The following CCDC30 variants were observed in gnomAD, a reference collection of about 807,000 sequenced individuals.
CCDC30 encodes coiled-coil domain containing 30, also known as coiled-coil domain-containing protein 30.
In CCDC30, 70 loss-of-function variants were observed where a neutral mutation model predicts 100.2. The ratio of observed to expected loss-of-function variants is 0.70; its 90% CI spans 0.58 to 0.85. CCDC30 has a LOEUF of 0.85. Among genes scored for constraint, CCDC30 ranks in the 40% least tolerant of loss-of-function variants. The pLI is 0.00. For synonymous variants in CCDC30, 233 were observed against 269.5 expected (o/e 0.86, Z 1.33); for missense variants, 652 against 771.2 (o/e 0.85, Z 1.83).
At chr1:42,501,536 T>A (rs538543101) in intron 6 of CCDC30, among the ~76,000 whole-genome samples, 2 of 152,360 alleles carry the variant, frequency 1.3e-5, no homozygotes, top group East Asian at 1.9e-4. Flanking sequence ...GTGCTCTGAT[T>A]TTTAGAATTT....
chr1:42,576,412 A>G (rs1645838236), intron 7 of CCDC30, among the ~76,000 whole-genome samples: 2 of 152,360 alleles, frequency 1.3e-5, no homozygotes, highest in South Asian at 4.1e-4. Flanking sequence ...GGCATTATTT[A>G]CTGAAATTGG....
At chr1:42,482,923 A>C in intron 3 of CCDC30, 107 bp downstream of exon 3, 1 of 776,272 alleles carries the variant, frequency 1.3e-6, no homozygotes, top group Non-Finnish European at 1.8e-6. Flanking sequence ...ACAAGTCTTT[A>C]AGATAAACAC....
intron 10 of CCDC30, among the ~76,000 whole-genome samples, chr1:42,606,651 C>A (rs776618203): frequency 6.6e-6 from 1 of 152,200 alleles, no homozygotes; most frequent in Admixed American, 6.5e-5. Context: ...AGAAATCTCT[C>A]GTGGGTCTCA....
At chr1:42,526,328 C>T (rs900862014) in intron 6 of CCDC30, among the ~76,000 whole-genome samples, 3 of 152,076 alleles carry the variant, frequency 2.0e-5, no homozygotes, top group Non-Finnish European at 2.9e-5. Flanking sequence ...CTCATTATTC[C>T]GTCATGGCCC....
chr1:42,522,995 A>G (rs554697406), intron 6 of CCDC30, among the ~76,000 whole-genome samples: 1 of 151,894 alleles, frequency 6.6e-6, no homozygotes, highest in African/African-American at 2.4e-5. Context: ...ACACCTGGCT[A>G]ATTTTTGTAT....
intron 6 of CCDC30, among the ~76,000 whole-genome samples, chr1:42,553,612 C>T (rs1645302234): frequency 3.3e-5 from 5 of 151,116 alleles, no homozygotes; most frequent in Admixed American, 2.7e-4. Flanking sequence ...GCTATGATCG[C>T]CCCACTGCAC....
intron 6 of CCDC30, among the ~76,000 whole-genome samples, chr1:42,536,085 T>C (rs1644899500): frequency 6.6e-6 from 1 of 152,058 alleles, no homozygotes; most frequent in Non-Finnish European, 1.5e-5. Flanking sequence ...TCTAACATAC[T>C]TACCATAGTC....
chr1:42,623,269 T>C (rs1646874394), intron 11 of CCDC30, among the ~76,000 whole-genome samples: 1 of 152,176 alleles, frequency 6.6e-6, no homozygotes, highest in Admixed American at 6.5e-5. Flanking sequence ...TTTGCTTTGG[T>C]TGCCTGCACT....
At chr1:42,493,259 C>A (rs1041669872) in intron 4 of CCDC30, among the ~76,000 whole-genome samples, 9 of 151,918 alleles carry the variant, frequency 5.9e-5, no homozygotes, top group Non-Finnish European at 1.2e-4. Context: ...AAATCCAAGG[C>A]ATGCAGAAGG....
At chr1:42,603,148 G>C (rs1440096066) in intron 10 of CCDC30, among the ~76,000 whole-genome samples, 1 of 152,194 alleles carries the variant, frequency 6.6e-6, no homozygotes, top group African/African-American at 2.4e-5. Context: ...GGAAGTCTAA[G>C]ATCAGGATGC....
chr1:42,484,429 A>G (rs973569101), intron 3 of CCDC30, among the ~76,000 whole-genome samples: 1 of 152,246 alleles, frequency 6.6e-6, no homozygotes, highest in Non-Finnish European at 1.5e-5. Context: ...CAGGATATTC[A>G]GTACCCTTAG....
chr1:42,531,630 C>T lies in CCDC30; in HGVS notation c.456+32714C>T, dbSNP rs150624844. Among the ~76,000 whole-genome samples, 926 of 152,122 alleles carry T rather than the reference C, an allele frequency of 6.1e-3. 5 individuals are homozygous for T. Among genetic ancestry groups the T allele is most frequent in the African/African-American group, 0.021 (863 of 41,450 alleles). ...TACAAAAATTAGCTAGGCGTGGCGGCGCATGCCTGTAGTTCCAACTACTCA... is the reference window on the plus strand; with the variant it reads ...TACAAAAATTAGCTAGGCGTGGCGGTGCATGCCTGTAGTTCCAACTACTCA... On this transcript the variant is annotated intron_variant, in intron 6 of 16. Transcript: ENST00000668663.
intron 10 of CCDC30, among the ~76,000 whole-genome samples, chr1:42,608,703 C>A (rs901365476): frequency 1.6e-5 from 2 of 124,568 alleles, no homozygotes; most frequent in Non-Finnish European, 3.2e-5. Flanking sequence ...AGCGCGACTC[C>A]GTCTCTCTGT....
At chr1:42,500,176 T>TA in intron 6 of CCDC30, 1 of 1,463,854 alleles carries the variant, frequency 6.8e-7, no homozygotes, top group Non-Finnish European at 9.6e-7. Flanking sequence ...TTGTGGAACG[T>TA]ACAGTGCATA....
intron 1 of CCDC30, among the ~76,000 whole-genome samples, chr1:42,467,181 T>C (rs1643617461): frequency 6.6e-6 from 1 of 152,184 alleles, no homozygotes; most frequent in South Asian, 2.1e-4. Flanking sequence ...GAAGAATATC[T>C]GGTCCCAAGC....
intron 10 of CCDC30, among the ~76,000 whole-genome samples, chr1:42,610,374 A>G (rs1646593848): frequency 6.6e-6 from 1 of 152,100 alleles, no homozygotes. Context: ...ACTGAAGAGA[A>G]CAGCTTTCAC....
Position 42,490,623 on chromosome 1 carries a change from C to T in CCDC30, c.241+394C>T, listed in dbSNP as rs137901522. Among the ~76,000 whole-genome samples, 32 of 152,052 alleles carry T rather than the reference C, an allele frequency of 2.1e-4. No individual in the cohort carries two copies. The East Asian group carries it at 5.4e-3, about 26-fold the overall frequency. On this transcript the variant is annotated intron_variant, in intron 4 of 16. Coordinates refer to ENST00000668663, the Ensembl canonical transcript of CCDC30. Reference sequence around the variant, plus strand: ...GGTACTCTGCCAGGCACTTCACATGCGTTATCTCTAATCCTCACAACAGTC... The same window carrying T: ...GGTACTCTGCCAGGCACTTCACATGTGTTATCTCTAATCCTCACAACAGTC...
chr1:42,479,094 G>T (rs968625478), intron 1 of CCDC30, among the ~76,000 whole-genome samples: 1 of 152,100 alleles, frequency 6.6e-6, no homozygotes, highest in African/African-American at 2.4e-5. Flanking sequence ...TATATTCTTG[G>T]GCTGGACGCG....
intron 5 of CCDC30, 55 bp from the exon 6 acceptor site, chr1:42,498,763 A>G: frequency 1.2e-6 from 1 of 860,694 alleles, no homozygotes; most frequent in Admixed American, 4.3e-5. Context: ...ACAAAACAAT[A>G]ATTTATCCAA....
Sources: allele counts gnomAD v4.1 joint callset (sites outside exome capture counted in the v4.1 genomes callset), GRCh38; gene constraint gnomAD v4.1.1; transcripts MANE v1.5; gene names NCBI Gene and HGNC (gene_info 2026-07-23, HGNC 2026-07-21).